CMSS1: variants seen among roughly 807,000 people sequenced by gnomAD.
The protein encoded by CMSS1 is protein CMSS1.
Under a neutral mutation model 43.5 loss-of-function variants are expected in CMSS1, and 33 were observed. The ratio of observed to expected loss-of-function variants is 0.76; its 90% confidence interval spans 0.57 to 1.01. The LOEUF is 1.01. Ranked by LOEUF, CMSS1 falls within the 50% of genes least tolerant of loss-of-function variation. CMSS1 has a pLI of 0.00. For synonymous variants in CMSS1, 115 were observed against 117.2 expected, an observed-to-expected ratio of 0.98 and a Z score of 0.12; for missense variants, 313 against 326.4, an observed-to-expected ratio of 0.96 and a Z score of 0.32.
chr3:100,142,226 A>G (rs1229423037), intron 1 of CMSS1, among the ~76,000 whole-genome samples: 1 of 152,192 alleles, frequency 6.6e-6, no homozygotes, highest in Non-Finnish European at 1.5e-5. Context: ...CACATCTTTA[A>G]AAATATGTTA....
At chr3:99,996,749 G>A (rs1044292116) in intron 1 of CMSS1, among the ~76,000 whole-genome samples, 9 of 151,942 alleles carry the variant, frequency 5.9e-5, no homozygotes, top group South Asian at 2.1e-4. Context: ...ATCAGATCTC[G>A]TGAGACTTAC....
chr3:99,833,928 A>C lies in CMSS1; in HGVS notation c.64+15885A>C, dbSNP rs374908978. Among the ~76,000 whole-genome samples the C allele has an allele frequency of 5.2e-5, 8 of 152,388 alleles. No individual in the cohort carries two copies. In the East Asian group the frequency reaches 5.8e-4, roughly 11 times the overall value. ...TTTTTATCTCAGTGTTTAATGGGAAAGTATATAAGCAATGATGATGGATAT... is the reference window on the plus strand; with the variant it reads ...TTTTTATCTCAGTGTTTAATGGGAACGTATATAAGCAATGATGATGGATAT... On this transcript the variant is annotated intron_variant, in intron 1 of 9. Transcript: ENST00000421999.
intron 1 of CMSS1, among the ~76,000 whole-genome samples, chr3:99,931,426 A>T (rs1391055327): frequency 1.3e-5 from 2 of 152,260 alleles, no homozygotes; most frequent in South Asian, 2.1e-4. Flanking sequence ...AATTCTTCTA[A>T]CTTTCTTCAG....
chr3:99,866,766 C>A (rs1944542216), intron 1 of CMSS1, among the ~76,000 whole-genome samples: 1 of 152,124 alleles, frequency 6.6e-6, no homozygotes, highest in Non-Finnish European at 1.5e-5. Context: ...TATATCTTTT[C>A]CATGATTTTT....
chr3:100,146,466 T>C (rs948737498), intron 1 of CMSS1, among the ~76,000 whole-genome samples: 2 of 152,232 alleles, frequency 1.3e-5, no homozygotes, highest in African/African-American at 4.8e-5. Flanking sequence ...GTGTGTGACC[T>C]TGGGCAAATG....
chr3:100,060,569 T>C (rs1252238098), intron 1 of CMSS1, among the ~76,000 whole-genome samples: 1 of 151,644 alleles, frequency 6.6e-6, no homozygotes, highest in Non-Finnish European at 1.5e-5. Context: ...AAGAAACAAA[T>C]AGGGGCTCGG....
intron 1 of CMSS1, among the ~76,000 whole-genome samples, chr3:99,983,561 G>A (rs1356679727): frequency 7.1e-6 from 1 of 140,434 alleles, no homozygotes; most frequent in African/African-American, 2.6e-5. Context: ...GTGGTGGCAG[G>A]TACCTGTAAT....
chr3:100,114,948 A>T (rs1274005386), intron 1 of CMSS1: 9 of 1,535,360 alleles, frequency 5.9e-6, no homozygotes, highest in Non-Finnish European at 7.9e-6. Context: ...CACAGGAGAC[A>T]CGAGGGCAAA....
chr3:99,938,050 AGTGTGTGT>A (rs71625545), intron 1 of CMSS1, among the ~76,000 whole-genome samples: 109 of 149,002 alleles, frequency 7.3e-4, no homozygotes, highest in Admixed American at 2.5e-3. Context: ...AGGCTCAGGA[AGTGTGTGT>A]GTGTGTGTGT....
At chr3:99,829,332 G>A (rs1366840734) in intron 1 of CMSS1, among the ~76,000 whole-genome samples, 1 of 152,144 alleles carries the variant, frequency 6.6e-6, no homozygotes, top group Non-Finnish European at 1.5e-5. Context: ...TGTCCACACT[G>A]AATTACAGGC....
chr3:100,047,711 G>A (rs577893205), intron 1 of CMSS1, among the ~76,000 whole-genome samples: 2 of 152,290 alleles, frequency 1.3e-5, no homozygotes, highest in South Asian at 2.1e-4. Flanking sequence ...CCCTGCCACT[G>A]TCTAGCTATA....
chr3:99,959,826 C>T (rs1286070936), intron 1 of CMSS1, among the ~76,000 whole-genome samples: 1 of 152,044 alleles, frequency 6.6e-6, no homozygotes, highest in African/African-American at 2.4e-5. Flanking sequence ...TTTAGAATTA[C>T]CCAACAGTAA....
At chr3:99,957,452 G>GTA (rs750905719) in intron 1 of CMSS1, among the ~76,000 whole-genome samples, 257 of 151,744 alleles carry the variant, frequency 1.7e-3, no homozygotes, top group Non-Finnish European at 1.8e-3. Context: ...ACATATGTGT[G>GTA]TATATATATA....
rs140469128 is a variant in CMSS1, at chr3:99,825,839, G to A, written c.64+7796G>A. On this transcript the variant is annotated intron_variant, in intron 1 of 9. Transcript: ENST00000421999. Reference sequence around the variant, plus strand: ...GTCCCCCAGGCTGGAGTGCAGTGGCGCAATCTTGGCACACTGCAACCTCCG... The same window carrying A: ...GTCCCCCAGGCTGGAGTGCAGTGGCACAATCTTGGCACACTGCAACCTCCG... 4.7e-3 allele frequency among the ~76,000 whole-genome samples: 692 copies of A among 145,978 alleles called. 2 individuals are homozygous for A. The highest frequency in any genetic ancestry group is 7.2e-3 in the South Asian group (33 of 4,598).
chr3:99,951,682 G>A (rs1170108692), intron 1 of CMSS1, among the ~76,000 whole-genome samples: 2 of 152,178 alleles, frequency 1.3e-5, no homozygotes, highest in Non-Finnish European at 2.9e-5. Context: ...GCCACCTTAT[G>A]TCTCTTCCCT....
intron 1 of CMSS1, among the ~76,000 whole-genome samples, chr3:99,965,403 C>T (rs1423922073): frequency 1.3e-5 from 2 of 152,126 alleles, no homozygotes; most frequent in Non-Finnish European, 2.9e-5. Flanking sequence ...CTGCTTCTGG[C>T]GTAGTGTACT....
At chr3:100,024,337 T>C (rs1252787849) in intron 1 of CMSS1, among the ~76,000 whole-genome samples, 2 of 152,192 alleles carry the variant, frequency 1.3e-5, no homozygotes, top group African/African-American at 4.8e-5. Context: ...GATTGCATTT[T>C]CTATGATTTC....
At chr3:100,031,877 G>T (rs1342459342) in intron 1 of CMSS1, among the ~76,000 whole-genome samples, 2 of 152,144 alleles carry the variant, frequency 1.3e-5, no homozygotes, top group Non-Finnish European at 2.9e-5. Flanking sequence ...TACTAAACTA[G>T]GTCAAAATCA....
intron 1 of CMSS1, among the ~76,000 whole-genome samples, chr3:99,918,108 G>C (rs1707008747): frequency 6.6e-6 from 1 of 152,086 alleles, no homozygotes; most frequent in Admixed American, 6.5e-5. Context: ...CTCCTGAGTA[G>C]CTGGGATTAC....
Sources: allele counts gnomAD v4.1 joint callset (sites outside exome capture counted in the v4.1 genomes callset), GRCh38; gene constraint gnomAD v4.1.1; transcripts MANE v1.5; gene names NCBI Gene and HGNC (gene_info 2026-07-23, HGNC 2026-07-21).